SCMH1: variants seen among roughly 807,000 people sequenced by gnomAD.
SCMH1 encodes Scm polycomb group protein homolog 1, also known as polycomb protein SCMH1.
SCMH1 carries 37 observed loss-of-function variants against 70.8 expected under a neutral mutation model. The ratio of observed to expected loss-of-function variants is 0.52; its 90% CI spans 0.40 to 0.69. The LOEUF is 0.69. Ranked by LOEUF, SCMH1 falls within the 30% of genes least tolerant of loss-of-function variation. SCMH1 has a pLI of 0.00. For synonymous variants in SCMH1, 292 were observed against 307.4 expected, an observed-to-expected ratio of 0.95 and a Z score of 0.52; for missense variants, 607 against 827.3, an observed-to-expected ratio of 0.73 and a Z score of 3.27.
intron 1 of SCMH1, among the ~76,000 whole-genome samples, chr1:41,232,666 A>G (rs1661534911): frequency 6.6e-6 from 1 of 152,198 alleles, no homozygotes; most frequent in Non-Finnish European, 1.5e-5. Context: ...TAGAGGTGAT[A>G]CTACCTATAT....
At chr1:41,099,059 GAGA>G (rs2149082122) in intron 8 of SCMH1, 4 of 245,070 alleles carry the variant, frequency 1.6e-5, no homozygotes. Flanking sequence ...GCCTGAGGGA[GAGA>G]AGAAGGCAGA....
chr1:41,161,243 T>C lies in SCMH1; in HGVS notation c.82+121A>G, dbSNP rs111912740. 2.5e-3 allele frequency: 3,612 copies of C among 1,451,698 alleles called. 81 individuals are homozygous for C. In the African/African-American group the frequency reaches 0.046, roughly 19 times the overall value. The allele number at this position is 1,451,698 out of a possible 1,614,324, so 89.9% of individuals were successfully genotyped here. A position where few individuals can be genotyped will look rare whatever the true frequency, so the allele number is the denominator to read the frequency against. On this transcript the variant is annotated intron_variant, in intron 3 of 14. Coordinates refer to ENST00000337495, the Ensembl canonical transcript of SCMH1. The stretch of plus-strand genomic sequence containing the variant: ...TGACCAATACCTCTGTAAACTGCAA[T>C]ATTTGCTTCTGATATAACAATTGAG...
rs1383260293 is a variant in SCMH1, at chr1:41,113,508, G to A, written c.520C>T (p.His174Tyr). ...TTCATTCCCATTTTGAAGAAGTTGT[G>A]GGAAGGCGATGGTGGCTCCTAGATG... Residue 174 changes from histidine to tyrosine, a missense_variant, in exon 8 of 15, where the codon CAC (histidine) becomes TAC (tyrosine). Physicochemically the swap from His to Tyr is moderately conservative, Grantham distance 83. This residue lies in a region of SCMH1 where 105 missense variants were observed against 214.5 expected (regional missense o/e 0.49). Coordinates refer to ENST00000337495, the Ensembl canonical transcript of SCMH1. This position sits in a 1 kb window ranked among gnomAD's most constrained non-coding sequence, Gnocchi z 4.3. The A allele has an allele frequency of 6.2e-7, 1 of 1,613,520 alleles. No individual in the cohort carries two copies. Among genetic ancestry groups the A allele is most frequent in the Non-Finnish European group, 8.5e-7 (1 of 1,179,816 alleles).
intron 12 of SCMH1, among the ~76,000 whole-genome samples, chr1:41,042,320 C>G (rs1046590545): frequency 6.6e-6 from 1 of 151,882 alleles, no homozygotes; most frequent in Non-Finnish European, 1.5e-5. Context: ...GCGATCTCAG[C>G]TCACTGCAAC....
intron 9 of SCMH1, 90 bp downstream of exon 9, chr1:41,075,129 G>A: frequency 1.6e-6 from 2 of 1,251,676 alleles, no homozygotes; most frequent in Non-Finnish European, 2.3e-6. Flanking sequence ...CCCATTAAGT[G>A]CTGGGATTAC....
intron 6 of SCMH1, among the ~76,000 whole-genome samples, chr1:41,128,966 T>C (rs1673922256): frequency 6.6e-6 from 1 of 152,190 alleles, no homozygotes; most frequent in Non-Finnish European, 1.5e-5. Context: ...ACTTGAGATA[T>C]TATCTTGTAT....
chr1:41,183,397 C>A (rs1572901309), intron 2 of SCMH1, among the ~76,000 whole-genome samples: 1 of 152,210 alleles, frequency 6.6e-6, no homozygotes, highest in Non-Finnish European at 1.5e-5. Flanking sequence ...TATACTCTTT[C>A]CAAGCTCATA....
chr1:41,033,027 C>T (rs1246415589), intron 13 of SCMH1, among the ~76,000 whole-genome samples: 1 of 150,660 alleles, frequency 6.6e-6, no homozygotes, highest in East Asian at 2.0e-4. Flanking sequence ...CACAGTGGCT[C>T]ATGCCTATAA....
chr1:41,167,113 G>A (rs903265409), intron 2 of SCMH1, among the ~76,000 whole-genome samples: 1 of 151,968 alleles, frequency 6.6e-6, no homozygotes, highest in Admixed American at 6.6e-5. Context: ...TGTGATTTTT[G>A]TCCTTTATTC....
chr1:41,154,716 C>T (rs576515419), intron 4 of SCMH1, among the ~76,000 whole-genome samples: 9 of 152,132 alleles, frequency 5.9e-5, no homozygotes, highest in East Asian at 3.9e-4. Flanking sequence ...GAGATTATTA[C>T]GAAGATTAAT....
chr1:41,068,652 C>T (rs545262567), intron 10 of SCMH1, among the ~76,000 whole-genome samples: 6 of 152,168 alleles, frequency 3.9e-5, no homozygotes, highest in African/African-American at 1.4e-4. Context: ...GTAATCCGTC[C>T]GTCTTGGCCT....
chr1:41,208,441 A>AT (rs201417669), intron 1 of SCMH1, among the ~76,000 whole-genome samples: 2,054 of 135,094 alleles, frequency 0.015, 18 homozygotes, highest in East Asian at 0.029. Context: ...AAATTAAAAA[A>AT]AAAAAATAAA....
At position 41,132,685 on chromosome 1, in the gene SCMH1, C is replaced by T. The variant is rs12118251; in HGVS notation, c.412+10193G>A. Among the ~76,000 whole-genome samples, 1,473 of 152,252 alleles carry T rather than the reference C, an allele frequency of 9.7e-3. 11 individuals are homozygous for T. The highest frequency in any genetic ancestry group is 0.014 in the Non-Finnish European group (979 of 68,018). Reference sequence around the variant, plus strand: ...AGGGCTTTTACAGGTTTAGGTTTTACATTTAAGTCTTTAATCCATCTTGAG... The same window carrying T: ...AGGGCTTTTACAGGTTTAGGTTTTATATTTAAGTCTTTAATCCATCTTGAG... On this transcript the variant is annotated intron_variant, in intron 6 of 14. Transcript: ENST00000337495.
chr1:41,224,352 T>C (rs765681391), intron 1 of SCMH1, among the ~76,000 whole-genome samples: 9 of 152,186 alleles, frequency 5.9e-5, no homozygotes, highest in Non-Finnish European at 1.3e-4. Flanking sequence ...ACATGGTGAG[T>C]GCTAAATACT....
intron 10 of SCMH1, among the ~76,000 whole-genome samples, chr1:41,057,878 T>C (rs1448711652): frequency 6.6e-6 from 1 of 151,822 alleles, no homozygotes; most frequent in Non-Finnish European, 1.5e-5. Context: ...TAGCACTTTG[T>C]GGGGGGTCAA....
In SCMH1 at chr1:41,027,906, C is replaced by T. The variant is rs1191736535; in HGVS notation, c.*288G>A. On this transcript the variant is annotated 3_prime_UTR_variant, in exon 15 of 15. Coordinates refer to ENST00000337495, the Ensembl canonical transcript of SCMH1. ...CGTGGAAGGCATTCAGCCTAAACTC[C>T]TGGTGAGAGGCCAGCCAGGGTTGAG... The T allele has an allele frequency of 1.5e-5, 6 of 408,848 alleles. No individual in the cohort carries two copies. The Admixed American group carries it at 2.0e-4, about 14-fold the overall frequency. 25.3% of individuals were successfully genotyped at this position (408,848 alleles called of 1,614,324 possible).
intron 1 of SCMH1, among the ~76,000 whole-genome samples, chr1:41,188,719 A>T (rs1331911154): frequency 6.6e-6 from 1 of 152,232 alleles, no homozygotes; most frequent in Non-Finnish European, 1.5e-5. Context: ...TGAAGCAAGG[A>T]AAAGTAGAAT....
At chr1:41,125,407 G>C (rs1364460253) in intron 6 of SCMH1, among the ~76,000 whole-genome samples, 3 of 151,906 alleles carry the variant, frequency 2.0e-5, no homozygotes, top group Non-Finnish European at 4.4e-5. Flanking sequence ...TGTAGGGACA[G>C]AGTTTCACCA....
chr1:41,037,256 G>A, intron 13 of SCMH1, 106 bp downstream of exon 13: 1 of 1,159,276 alleles, frequency 8.6e-7, no homozygotes, highest in South Asian at 1.5e-5. Flanking sequence ...CCCACCACCA[G>A]GCAGAGGGCA....
Sources: allele counts gnomAD v4.1 joint callset (sites outside exome capture counted in the v4.1 genomes callset), GRCh38; gene constraint gnomAD v4.1.1; regional missense constraint gnomAD v4.1.1; non-coding constraint Gnocchi (gnomAD v3.1); transcripts MANE v1.5; gene names NCBI Gene and HGNC (gene_info 2026-07-23, HGNC 2026-07-21).